Variants in LRP1B observed in about 807,000 individuals in gnomAD.
LRP1B encodes the protein LDL receptor related protein 1B, also known as low-density lipoprotein receptor-related protein 1B.
A neutral mutation model predicts 556.6 loss-of-function variants in LRP1B; 217 were observed. The ratio of observed to expected loss-of-function variants is 0.39; its 90% CI spans 0.35 to 0.44. The LOEUF is 0.44. LRP1B is among the 20% of genes least tolerant of loss of function. The pLI, the probability that LRP1B is intolerant of heterozygous loss-of-function variation, is 1.00. For missense variants in LRP1B, 5,053 were observed against 5,620.8 expected (o/e 0.90, Z 3.23); for synonymous variants, 2,047 against 1,865.8 (o/e 1.10, Z -2.50).
chr2:141,527,135 A>G (rs1265835871), intron 2 of LRP1B, among the ~76,000 whole-genome samples: 1 of 151,944 alleles, frequency 6.6e-6, no homozygotes, highest in Admixed American at 6.6e-5. Flanking sequence ...TCTTTATATT[A>G]TTTTATTTAG....
At chr2:141,189,290 G>A (rs1379413899) in intron 6 of LRP1B, among the ~76,000 whole-genome samples, 1 of 151,940 alleles carries the variant, frequency 6.6e-6, no homozygotes, top group Non-Finnish European at 1.5e-5. Context: ...GGCTCAGAGA[G>A]ACTTGAGTAT....
intron 32 of LRP1B, among the ~76,000 whole-genome samples, chr2:140,812,480 CA>C (rs1364467540): frequency 6.6e-6 from 1 of 151,652 alleles, no homozygotes; most frequent in Non-Finnish European, 1.5e-5. Context: ...AATTGAAAAT[CA>C]AAGATGATAA....
intron 66 of LRP1B, among the ~76,000 whole-genome samples, chr2:140,398,164 CT>C (rs915146206): frequency 1.3e-5 from 2 of 151,688 alleles, no homozygotes; most frequent in Non-Finnish European, 2.9e-5. Context: ...GTTAGCAAAT[CT>C]TTTTTTTGAG....
Position 140,647,197 on chromosome 2 carries a change from A to T in LRP1B, c.6800-45558T>A, listed in dbSNP as rs143628785. Among the ~76,000 whole-genome samples the T allele has an allele frequency of 2.6e-3, 393 of 150,772 alleles. 4 individuals carry two copies. Among genetic ancestry groups the T allele is most frequent in the African/African-American group, 9.1e-3 (375 of 41,078 alleles). Reference sequence around the variant, plus strand: ...TAAATCTGCCTTTAAATGCTTTTTTAAAAAAACTTGAAATCTTAATGTCTC... The same window carrying T: ...TAAATCTGCCTTTAAATGCTTTTTTTAAAAAACTTGAAATCTTAATGTCTC... On this transcript the variant is annotated intron_variant, in intron 41 of 90. Transcript: ENST00000389484.
chr2:140,815,784 C>A (rs112686948), intron 31 of LRP1B, among the ~76,000 whole-genome samples: 2,934 of 151,132 alleles, frequency 0.019, 51 homozygotes, highest in Middle Eastern at 0.038. Context: ...CAAAATAAAA[C>A]AAAACCTCCT....
At chr2:141,388,131 CT>C (rs1452600018) in intron 3 of LRP1B, among the ~76,000 whole-genome samples, 3 of 152,154 alleles carry the variant, frequency 2.0e-5, no homozygotes, top group Non-Finnish European at 4.4e-5. Flanking sequence ...CAAAATCACT[CT>C]TTCATTAAAA....
At chr2:140,584,024 T>A in intron 43 of LRP1B, among the ~76,000 whole-genome samples, 1 of 152,114 alleles carries the variant, frequency 6.6e-6, no homozygotes, top group East Asian at 1.9e-4. Flanking sequence ...TTAAATAATA[T>A]TTAAATGGTT....
intron 7 of LRP1B, among the ~76,000 whole-genome samples, chr2:141,129,162 A>C (rs555537448): frequency 6.6e-6 from 1 of 152,330 alleles, no homozygotes; most frequent in African/African-American, 2.4e-5. Context: ...CACAATCAAA[A>C]ACACACACAT....
At chr2:140,810,321 T>C (rs1428363321) in intron 32 of LRP1B, among the ~76,000 whole-genome samples, 1 of 152,182 alleles carries the variant, frequency 6.6e-6, no homozygotes, top group Non-Finnish European at 1.5e-5. Context: ...CATACATTTG[T>C]ATATACTAAT....
intron 41 of LRP1B, among the ~76,000 whole-genome samples, chr2:140,655,951 C>CAAAAAAAAAAAAAAAAAAA (rs1286848376): frequency 6.7e-6 from 1 of 148,762 alleles, no homozygotes; most frequent in Non-Finnish European, 1.5e-5. Flanking sequence ...TCAAAAAAAA[C>CAAAAAAAAAAAAAAAAAAA]AAAAAAAGAA....
intron 41 of LRP1B, among the ~76,000 whole-genome samples, chr2:140,673,276 G>A (rs1559046696): frequency 6.6e-6 from 1 of 152,118 alleles, no homozygotes; most frequent in Non-Finnish European, 1.5e-5. Flanking sequence ...GGTATTACAA[G>A]TATTGCCTCT....
intron 41 of LRP1B, among the ~76,000 whole-genome samples, chr2:140,623,020 A>C (rs1683510533): frequency 1.3e-5 from 2 of 152,236 alleles, no homozygotes; most frequent in African/African-American, 4.8e-5. Flanking sequence ...GTTTCACACA[A>C]GAACAATTTA....
At chr2:141,510,405 A>G (rs1684083829) in intron 2 of LRP1B, among the ~76,000 whole-genome samples, 1 of 152,134 alleles carries the variant, frequency 6.6e-6, no homozygotes, top group Admixed American at 6.6e-5. Flanking sequence ...TATATCTTCC[A>G]GTTCCAATCT....
In LRP1B at chr2:140,492,705, C is replaced by T. The variant is rs1688753973; in HGVS notation, c.9035-12G>A. 3 of 1,556,336 alleles carry T rather than the reference C, an allele frequency of 1.9e-6. No individual in the cohort carries two copies. The East Asian group carries it at 6.7e-5, about 35-fold the overall frequency. ...AAAAGGTTCTTCATCTAAACACCAA[C>T]ACAAATAACATATTAGACTTTAAGT... On this transcript the variant is annotated splice_polypyrimidine_tract_variant and intron_variant, in intron 56 of 90. Transcript: ENST00000389484.
intron 35 of LRP1B, among the ~76,000 whole-genome samples, chr2:140,761,570 C>G (rs573839273): frequency 6.6e-6 from 1 of 152,250 alleles, no homozygotes; most frequent in South Asian, 2.1e-4. Context: ...CTAAGAGAAG[C>G]TTGTGGTCAT....
Position 141,862,612 on chromosome 2 carries a change from T to C in LRP1B, c.83-52211A>G, listed in dbSNP as rs540573811. Among the ~76,000 whole-genome samples, 84 of 152,154 alleles carry C rather than the reference T, an allele frequency of 5.5e-4. 1 individual carries two copies. Among genetic ancestry groups the C allele is most frequent in the Non-Finnish European group, 8.8e-4 (60 of 68,036 alleles). The stretch of plus-strand genomic sequence containing the variant: ...TTAGTAGAGACGGGGTTTCAACATA[T>C]TGGCCAGGCTGCTTTCGAACTCCCG... On this transcript the variant is annotated intron_variant, in intron 1 of 90. Coordinates refer to ENST00000389484, the MANE Select transcript of LRP1B (RefSeq NM_018557.3).
intron 3 of LRP1B, among the ~76,000 whole-genome samples, chr2:141,376,619 G>A (rs1689448501): frequency 6.6e-6 from 1 of 152,028 alleles, no homozygotes; most frequent in African/African-American, 2.4e-5. Flanking sequence ...TTTAAAATAT[G>A]CATGAAAATT....
intron 30 of LRP1B, among the ~76,000 whole-genome samples, 198 bp downstream of exon 30, chr2:140,840,720 G>A (rs1015601399): frequency 2.0e-5 from 3 of 152,120 alleles, no homozygotes; most frequent in Non-Finnish European, 4.4e-5. Context: ...ACAGATATAT[G>A]TTGGTGTAGG....
At chr2:140,774,384 G>T (rs1689419768) in intron 33 of LRP1B, among the ~76,000 whole-genome samples, 1 of 152,062 alleles carries the variant, frequency 6.6e-6, no homozygotes, top group African/African-American at 2.4e-5. Flanking sequence ...CTTGTTAACA[G>T]GAGTAAAGTA....
Sources: gnomAD v4.1 joint callset for allele counts (sites outside exome capture counted in the v4.1 genomes callset) on GRCh38, gnomAD v4.1.1 for gene constraint, MANE v1.5 for transcripts, NCBI Gene and HGNC (gene_info 2026-07-23, HGNC 2026-07-21) for gene names.